Variants in INVS observed in about 807,000 individuals in gnomAD.
INVS encodes inversion of embryo turning homolog.
Under a neutral mutation model 108.8 loss-of-function variants are expected in INVS, and 86 were observed. The observed-to-expected ratio is 0.79, with a 90% CI of 0.66 to 0.95. The LOEUF (loss-of-function observed/expected upper bound fraction) is 0.95, where lower values mean the gene tolerates loss of function less well. Ranked by LOEUF, INVS falls within the 40% of genes least tolerant of loss-of-function variation. The pLI is 0.00. For missense variants in INVS, 1,169 were observed against 1,297.4 expected, an observed-to-expected ratio of 0.90 and a Z score of 1.52; for synonymous variants, 455 against 473.5, an observed-to-expected ratio of 0.96 and a Z score of 0.51.
At chr9:100,205,062 A>C (rs1039739613) in intron 3 of INVS, among the ~76,000 whole-genome samples, 2 of 152,154 alleles carry the variant, frequency 1.3e-5, no homozygotes, top group Non-Finnish European at 2.9e-5. Context: ...GTGAAAAAAA[A>C]GTCACGTATC....
intron 12 of INVS, among the ~76,000 whole-genome samples, chr9:100,279,406 T>A (rs551940001): frequency 6.6e-6 from 1 of 152,314 alleles, no homozygotes; most frequent in South Asian, 2.1e-4. Context: ...TGTCCCCAGA[T>A]GCTAGCAACC....
Position 100,253,017 on chromosome 9 carries a change from C to T in INVS, c.1345C>T (p.Pro449Ser), listed in dbSNP as rs753443905. ...GATATTAATAGAAAATAAGATCAAT[C>T]CAAATGTCCAGGATTATGCAGGAAG... Reference protein sequence around the residue: ...CQILIENKINPNVQDYAGRTP... With the variant: ...CQILIENKINSNVQDYAGRTP... The change falls in exon 10 of 17, where the codon CCA becomes TCA. Residue 449 changes from proline to serine, a missense_variant. By Grantham distance (74) the Pro-to-Ser change is moderately conservative (BLOSUM62 -1). Around this residue, in one of 3 missense-constraint regions of INVS, gnomAD observed 271 missense variants for 363.8 expected, o/e 0.74. Transcript: ENST00000262457. 2 of 1,613,842 alleles carry T rather than the reference C, an allele frequency of 1.2e-6. No homozygotes were observed. Among genetic ancestry groups the T allele is most frequent in the Admixed American group, 3.3e-5 (2 of 59,990 alleles).
chr9:100,250,699 T>G (rs1832204367), intron 8 of INVS, among the ~76,000 whole-genome samples: 1 of 152,244 alleles, frequency 6.6e-6, no homozygotes, highest in Non-Finnish European at 1.5e-5. Context: ...CCATCATTTT[T>G]CACTCAGTCT....
At chr9:100,211,108 G>A (rs1306238695) in intron 3 of INVS, among the ~76,000 whole-genome samples, 1 of 151,930 alleles carries the variant, frequency 6.6e-6, no homozygotes, top group African/African-American at 2.4e-5. Flanking sequence ...AGACGATCTT[G>A]ATGCATGCTA....
At chr9:100,144,151 C>G (rs528754447) in intron 3 of INVS, among the ~76,000 whole-genome samples, 2 of 152,054 alleles carry the variant, frequency 1.3e-5, no homozygotes, top group Non-Finnish European at 2.9e-5. Flanking sequence ...ATGTCCGGCA[C>G]TTGTAGCAAG....
At chr9:100,162,206 G>C (rs1288249616) in intron 3 of INVS, among the ~76,000 whole-genome samples, 1 of 152,068 alleles carries the variant, frequency 6.6e-6, no homozygotes, top group Non-Finnish European at 1.5e-5. Context: ...TGCTTGGGTG[G>C]CTCTATAGTC....
In INVS at chr9:100,126,302, A is replaced by C. The variant is rs751944116; in HGVS notation, c.107-81A>C. On this transcript the variant is annotated intron_variant, in intron 2 of 16. Coordinates refer to ENST00000262457, the MANE Select transcript of INVS (RefSeq NM_014425.5). ...ACTTAAGCATTTAGCACAATGTTTG[A>C]TAATAAACAGCGAATATAGTTCCTA... The C allele has an allele frequency of 1.3e-4, 147 of 1,119,010 alleles. 1 individual carries two copies. Among genetic ancestry groups the C allele is most frequent in the Non-Finnish European group, 1.9e-4 (143 of 750,804 alleles). 69.3% of individuals were successfully genotyped at this position (1,119,010 alleles called of 1,614,324 possible). A position where few individuals can be genotyped will look rare whatever the true frequency, so the allele number is the denominator to read the frequency against.
intron 1 of INVS, chr9:100,101,479 TAGACTC>T (rs1229719974): frequency 6.6e-6 from 1 of 152,144 alleles, no homozygotes; most frequent in Non-Finnish European, 1.5e-5. Flanking sequence ...ACATGACTGT[TAGACTC>T]AGACATGACT....
intron 5 of INVS, among the ~76,000 whole-genome samples, chr9:100,234,254 C>T (rs1227827394): frequency 6.6e-6 from 1 of 151,858 alleles, no homozygotes; most frequent in Non-Finnish European, 1.5e-5. Context: ...ATTTAATTCT[C>T]TGTTTTCTTC....
intron 3 of INVS, among the ~76,000 whole-genome samples, chr9:100,145,890 G>A (rs943875448): frequency 3.3e-5 from 5 of 152,188 alleles, no homozygotes; most frequent in African/African-American, 1.2e-4. Flanking sequence ...TTGAAGGGTG[G>A]TACCAAGATT....
intron 10 of INVS, among the ~76,000 whole-genome samples, chr9:100,261,845 A>G (rs1438387130): frequency 6.6e-6 from 1 of 152,228 alleles, no homozygotes; most frequent in African/African-American, 2.4e-5. Flanking sequence ...ATCCTTAATT[A>G]ATTCTGGTTT....
intron 12 of INVS, among the ~76,000 whole-genome samples, chr9:100,279,339 A>G (rs992919731): frequency 2.0e-5 from 3 of 152,122 alleles, no homozygotes; most frequent in African/African-American, 7.2e-5. Context: ...AGGCCAAGCT[A>G]CCTACCATTA....
At chr9:100,150,592 CA>C (rs1828778173) in intron 3 of INVS, among the ~76,000 whole-genome samples, 1 of 152,026 alleles carries the variant, frequency 6.6e-6, no homozygotes, top group East Asian at 1.9e-4. Context: ...TATATAACAT[CA>C]ATTCTAAAGA....
chr9:100,154,389 C>T, intron 3 of INVS, among the ~76,000 whole-genome samples: 1 of 127,456 alleles, frequency 7.8e-6, no homozygotes, highest in Non-Finnish European at 1.6e-5. Flanking sequence ...AAGTTGCCCA[C>T]ACTAGTCTCA....
chr9:100,267,400 C>CG (rs1447584154), intron 11 of INVS, among the ~76,000 whole-genome samples: 1 of 152,236 alleles, frequency 6.6e-6, no homozygotes, highest in Admixed American at 6.5e-5. Context: ...GAACTTGGCA[C>CG]TGCCTTTTAC....
At chr9:100,163,680 C>T (rs1162831984) in intron 3 of INVS, among the ~76,000 whole-genome samples, 3 of 152,094 alleles carry the variant, frequency 2.0e-5, no homozygotes, top group Non-Finnish European at 4.4e-5. Context: ...GGGTAGACCT[C>T]ACTTAAGAAA....
At chr9:100,134,474 T>A (rs2118924230) in intron 3 of INVS, among the ~76,000 whole-genome samples, 1 of 152,362 alleles carries the variant, frequency 6.6e-6, no homozygotes, top group East Asian at 1.9e-4. Flanking sequence ...ATGGGATTGC[T>A]GGATCAAATT....
intron 3 of INVS, among the ~76,000 whole-genome samples, chr9:100,218,863 T>C (rs1391694911): frequency 6.6e-6 from 1 of 152,148 alleles, no homozygotes; most frequent in Non-Finnish European, 1.5e-5. Context: ...CTAATATCAC[T>C]GAAGACAGGG....
intron 3 of INVS, among the ~76,000 whole-genome samples, chr9:100,154,048 G>T (rs1332186304): frequency 1.3e-5 from 2 of 152,196 alleles, no homozygotes; most frequent in Non-Finnish European, 2.9e-5. Context: ...CCTTTGATCT[G>T]TCACTTCTGG....
Sources: gnomAD v4.1 joint callset for allele counts (sites outside exome capture counted in the v4.1 genomes callset) on GRCh38, gnomAD v4.1.1 for gene constraint, gnomAD v4.1.1 regional missense constraint, MANE v1.5 for transcripts, NCBI Gene and HGNC (gene_info 2026-07-23, HGNC 2026-07-21) for gene names.